ZNF782: variants seen among roughly 807,000 people sequenced by gnomAD.
The protein encoded by ZNF782 is zinc finger protein 782.
Under a neutral mutation model 13.0 loss-of-function variants are expected in ZNF782, and 12 were observed. The ratio of observed to expected loss-of-function variants is 0.92; its 90% CI spans 0.59 to 1.50. ZNF782 has a LOEUF of 1.50. ZNF782 is among the 40% of genes most tolerant of loss of function. ZNF782 has a pLI of 0.00. For synonymous variants in ZNF782, 284 were observed against 283.0 expected, an observed-to-expected ratio of 1.00 and a Z score of -0.04; for missense variants, 770 against 822.9, an observed-to-expected ratio of 0.94 and a Z score of 0.79.
the ZNF782 span, chr9:96,894,367 T>C: frequency 3.3e-5 from 5 of 152,090 alleles, no homozygotes; most frequent in African/African-American, 1.2e-4. Flanking sequence ...CCATGCTCAA[T>C]ATCTGATCAT....
At chr9:96,884,124 C>A in the ZNF782 span, among the ~76,000 whole-genome samples, 1 of 152,210 alleles carries the variant, frequency 6.6e-6, no homozygotes, top group African/African-American at 2.4e-5. Context: ...ATTGGCAGGG[C>A]CGAGCACAGA....
chr9:96,864,660 A>G (rs972124463), intron 1 of ZNF782, among the ~76,000 whole-genome samples: 1 of 152,142 alleles, frequency 6.6e-6, no homozygotes, highest in Non-Finnish European at 1.5e-5. Context: ...TTTTTATACA[A>G]TTAAGTCTTT....
chr9:96,855,230 A>G (rs1851625543), upstream of ZNF782, among the ~76,000 whole-genome samples: 1 of 152,184 alleles, frequency 6.6e-6, no homozygotes, highest in Non-Finnish European at 1.5e-5. Context: ...CATGCGCATT[A>G]ACGAATTTTC....
At chr9:96,851,261 A>C (rs541339402) in intron 3 of ZNF782, among the ~76,000 whole-genome samples, 2 of 152,184 alleles carry the variant, frequency 1.3e-5, no homozygotes, top group Non-Finnish European at 2.9e-5. Flanking sequence ...ATATTGAAAA[A>C]GTACAACTCC....
chr9:96,888,346 CA>C, the ZNF782 span: 2 of 151,898 alleles, frequency 1.3e-5, no homozygotes, highest in Non-Finnish European at 2.9e-5. Context: ...ACTATGAAGA[CA>C]AAATGGTTTT....
intron 3 of ZNF782, among the ~76,000 whole-genome samples, chr9:96,847,513 A>T (rs1851375613): frequency 6.6e-6 from 1 of 152,208 alleles, no homozygotes; most frequent in Non-Finnish European, 1.5e-5. Context: ...AATACAAAAG[A>T]TCTTTCAAGA....
chr9:96,836,624 A>G (rs1851012388), intron 4 of ZNF782, among the ~76,000 whole-genome samples: 1 of 152,142 alleles, frequency 6.6e-6, no homozygotes, highest in South Asian at 2.1e-4. Context: ...TGAGAAGGAC[A>G]TGAGTTTTGG....
At chr9:96,932,945 C>T in the ZNF782 span, among the ~76,000 whole-genome samples, 5 of 151,206 alleles carry the variant, frequency 3.3e-5, no homozygotes, top group East Asian at 3.9e-4. Context: ...CATCATGCCC[C>T]GCCCCAATAC....
At chr9:96,918,304 G>GGAAGCTTGT in the ZNF782 span, among the ~76,000 whole-genome samples, 1 of 147,278 alleles carries the variant, frequency 6.8e-6, no homozygotes, top group Non-Finnish European at 1.5e-5. Context: ...GGGAAGCTTG[G>GGAAGCTTGT]GAAGCTGAGG....
intron 4 of ZNF782, among the ~76,000 whole-genome samples, chr9:96,836,573 G>T (rs554150854): frequency 6.6e-6 from 1 of 152,256 alleles, no homozygotes; most frequent in South Asian, 2.1e-4. Context: ...AAAAACTTAA[G>T]GCTTTTGGGA....
upstream of ZNF782, among the ~76,000 whole-genome samples, chr9:96,876,341 C>A (rs3780558): frequency 3.3e-3 from 504 of 152,296 alleles, 27 homozygotes; most frequent in East Asian, 0.084. Flanking sequence ...TCAGCAAAAA[C>A]TAACAAAGCG....
chr9:96,894,804 T>C, the ZNF782 span: 6 of 152,330 alleles, frequency 3.9e-5, no homozygotes, highest in South Asian at 2.1e-4. Flanking sequence ...CATAGCACAC[T>C]GTACCCTCAA....
chr9:96,889,149 A>C, the ZNF782 span: 1 of 151,290 alleles, frequency 6.6e-6, no homozygotes, highest in Non-Finnish European at 1.5e-5. Context: ...TTTCTACATT[A>C]CTCCTCCTGC....
upstream of ZNF782, among the ~76,000 whole-genome samples, chr9:96,854,704 A>C (rs113988718): frequency 2.3e-3 from 345 of 152,368 alleles, 3 homozygotes; most frequent in African/African-American, 7.8e-3. Context: ...CTCCAAGAAC[A>C]GGGAGAAGTT....
the ZNF782 span, among the ~76,000 whole-genome samples, chr9:96,906,135 A>C: frequency 6.6e-6 from 1 of 152,282 alleles, no homozygotes; most frequent in African/African-American, 2.4e-5. Context: ...ACTATGATCC[A>C]GCAATTCTAC....
rs148711274 is a variant in ZNF782, at chr9:96,822,559, T to C, written c.245-2781A>G. ...AATAGTGCTTTCCCCCTTTTTCGAA[T>C]TGAGACTATTTTATTCAGTTATTTT... is the stretch of plus-strand genomic sequence containing the variant. On this transcript the variant is annotated intron_variant, in intron 5 of 5. Transcript: ENST00000481138. Among the ~76,000 whole-genome samples the C allele has an allele frequency of 2.3e-3, 356 of 152,348 alleles. 3 individuals carry two copies. The highest frequency in any genetic ancestry group is 8.1e-3 in the African/African-American group (336 of 41,594).
chr9:96,910,892 TC>T, the ZNF782 span, among the ~76,000 whole-genome samples: 4 of 150,298 alleles, frequency 2.7e-5, no homozygotes, highest in Non-Finnish European at 5.9e-5. Flanking sequence ...CACCTCGGCC[TC>T]CCAAAGTGCT....
At chr9:96,886,309 AG>A in the ZNF782 span, among the ~76,000 whole-genome samples, 1 of 152,244 alleles carries the variant, frequency 6.6e-6, no homozygotes, top group Non-Finnish European at 1.5e-5. Flanking sequence ...TTGAAACTTA[AG>A]ACAGGAAAGA....
At chr9:96,867,260 A>G (rs1851767246) in intron 1 of ZNF782, among the ~76,000 whole-genome samples, 1 of 152,186 alleles carries the variant, frequency 6.6e-6, no homozygotes, top group Non-Finnish European at 1.5e-5. Context: ...GGTCTTTCCC[A>G]TGCTGTTCTT....
Sources: gnomAD v4.1 joint callset for allele counts (sites outside exome capture counted in the v4.1 genomes callset) on GRCh38, gnomAD v4.1.1 for gene constraint, MANE v1.5 for transcripts, NCBI Gene and HGNC (gene_info 2026-07-23, HGNC 2026-07-21) for gene names.